The following MAN1A1 variants were observed in gnomAD, a reference collection of about 807,000 sequenced individuals.
The protein encoded by MAN1A1 is mannosyl-oligosaccharide 1,2-alpha-mannosidase IA.
In MAN1A1, 29 loss-of-function variants were observed where a neutral mutation model predicts 70.8. The observed-to-expected ratio is 0.41, with a 90% confidence interval of 0.31 to 0.56. The LOEUF (loss-of-function observed/expected upper bound fraction) is 0.56, where lower values mean the gene tolerates loss of function less well. Among genes scored for constraint, MAN1A1 ranks in the 20% least tolerant of loss-of-function variants. The probability of loss-of-function intolerance (pLI) is 0.29; values close to 1 mark genes in which losing one functional copy is unlikely to be tolerated. For synonymous variants in MAN1A1, 349 were observed against 330.1 expected (o/e 1.06, Z -0.62); for missense variants, 747 against 841.3 (o/e 0.89, Z 1.39).
intron 3 of MAN1A1, among the ~76,000 whole-genome samples, chr6:119,305,175 G>T (rs1772494578): frequency 6.6e-6 from 1 of 152,042 alleles, no homozygotes; most frequent in Non-Finnish European, 1.5e-5. Context: ...AAAAGCCAAT[G>T]AAAACCAAAA....
intron 5 of MAN1A1, among the ~76,000 whole-genome samples, chr6:119,254,461 G>A (rs1179219098): frequency 2.6e-5 from 4 of 152,080 alleles, no homozygotes; most frequent in African/African-American, 9.7e-5. Context: ...AATGTGACTG[G>A]GAAAAAAGCA....
chr6:119,282,285 A>G (rs1392288319), intron 5 of MAN1A1, among the ~76,000 whole-genome samples: 1 of 152,118 alleles, frequency 6.6e-6, no homozygotes, highest in Non-Finnish European at 1.5e-5. Flanking sequence ...TTATAAAACT[A>G]TGCTTTCAAA....
chr6:119,204,750 G>C lies in MAN1A1; in HGVS notation c.1116+9C>G, dbSNP rs1391360350. ...GCTTTGCAGGCCAAGGCACATTGAA[G>C]AATCTCACCTTTTCAGCAAAGATGG... On this transcript the variant is annotated intron_variant, in intron 7 of 12. Coordinates refer to ENST00000368468, the MANE Select transcript of MAN1A1 (RefSeq NM_005907.4). The C allele has an allele frequency of 6.2e-7, 1 of 1,613,684 alleles. No individual in the cohort carries two copies. Among genetic ancestry groups the C allele is most frequent in the African/African-American group, 1.3e-5 (1 of 74,908 alleles).
At chr6:119,222,629 C>A (rs1347665877) in intron 6 of MAN1A1, among the ~76,000 whole-genome samples, 1 of 152,116 alleles carries the variant, frequency 6.6e-6, no homozygotes, top group Non-Finnish European at 1.5e-5. Context: ...GCCCGGTCCA[C>A]CTTTCATCTT....
At chr6:119,264,449 T>C (rs1775693664) in intron 5 of MAN1A1, among the ~76,000 whole-genome samples, 2 of 152,218 alleles carry the variant, frequency 1.3e-5, no homozygotes, top group African/African-American at 4.8e-5. Context: ...GCACATGAGA[T>C]ATTAAACCAT....
chr6:119,243,717 G>T (rs1248536621), intron 6 of MAN1A1, among the ~76,000 whole-genome samples: 1 of 152,004 alleles, frequency 6.6e-6, no homozygotes, highest in Non-Finnish European at 1.5e-5. Flanking sequence ...AATATAAACT[G>T]TAATGTAACC....
At chr6:119,220,058 A>G (rs570587752) in intron 6 of MAN1A1, among the ~76,000 whole-genome samples, 80 of 152,282 alleles carry the variant, frequency 5.3e-4, no homozygotes, top group African/African-American at 1.9e-3. Flanking sequence ...GGAAATTAAT[A>G]AAAGTTGTTC....
chr6:119,285,215 T>G (rs1475971293), intron 5 of MAN1A1, among the ~76,000 whole-genome samples: 1 of 151,554 alleles, frequency 6.6e-6, no homozygotes, highest in Non-Finnish European at 1.5e-5. Flanking sequence ...GAGGCTCAAG[T>G]GATCCCCCTC....
chr6:119,209,319 T>C (rs1446823907), intron 6 of MAN1A1, among the ~76,000 whole-genome samples: 1 of 152,208 alleles, frequency 6.6e-6, no homozygotes. Flanking sequence ...TGCTATTTTA[T>C]GCAAAATGGG....
chr6:119,187,583 T>C (rs1340042135), intron 11 of MAN1A1, among the ~76,000 whole-genome samples: 1 of 152,226 alleles, frequency 6.6e-6, no homozygotes, highest in East Asian at 1.9e-4. Context: ...TCATTTTAGA[T>C]TTCCTGAGAG....
chr6:119,235,700 A>G (rs902544208), intron 6 of MAN1A1, among the ~76,000 whole-genome samples: 7 of 152,238 alleles, frequency 4.6e-5, no homozygotes, highest in Non-Finnish European at 8.8e-5. Flanking sequence ...CTGCTGGAAG[A>G]AGATGCCATC....
chr6:119,311,034 C>G (rs992441500), intron 2 of MAN1A1, among the ~76,000 whole-genome samples: 1 of 152,160 alleles, frequency 6.6e-6, no homozygotes, highest in Non-Finnish European at 1.5e-5. Context: ...GCTCTGCCAT[C>G]GTCAGTGTGA....
intron 6 of MAN1A1, among the ~76,000 whole-genome samples, chr6:119,234,516 C>A (rs1774785710): frequency 6.6e-6 from 1 of 152,018 alleles, no homozygotes; most frequent in South Asian, 2.1e-4. Flanking sequence ...TGGACTCAAG[C>A]AATCTTTCCA....
chr6:119,258,591 G>A (rs1444136742), intron 5 of MAN1A1, among the ~76,000 whole-genome samples: 6 of 152,100 alleles, frequency 3.9e-5, no homozygotes, highest in Non-Finnish European at 8.8e-5. Context: ...AGGGGGTCCT[G>A]AAACCTACCC....
At chr6:119,275,752 C>A (rs542937439) in intron 5 of MAN1A1, among the ~76,000 whole-genome samples, 81 of 152,238 alleles carry the variant, frequency 5.3e-4, no homozygotes, top group African/African-American at 1.9e-3. Flanking sequence ...ACTGCTATTT[C>A]ATTTTTATGA....
At chr6:119,330,708 C>T (rs1327225425) in intron 2 of MAN1A1, among the ~76,000 whole-genome samples, 8 of 152,230 alleles carry the variant, frequency 5.3e-5, no homozygotes. Context: ...AGCACTACTA[C>T]TCTGGCTCAG....
chr6:119,296,429 C>A (rs1364597188), intron 4 of MAN1A1, among the ~76,000 whole-genome samples: 1 of 152,150 alleles, frequency 6.6e-6, no homozygotes, highest in East Asian at 1.9e-4. Flanking sequence ...TCAATAACTT[C>A]ATTTAACAGG....
chr6:119,293,613 A>G (rs1406684294), intron 4 of MAN1A1, among the ~76,000 whole-genome samples: 1 of 152,088 alleles, frequency 6.6e-6, no homozygotes, highest in Admixed American at 6.6e-5. Flanking sequence ...TCCAACATAT[A>G]ATTCTTTCTC....
At chr6:119,213,788 A>G (rs769514378) in intron 6 of MAN1A1, among the ~76,000 whole-genome samples, 5 of 152,238 alleles carry the variant, frequency 3.3e-5, no homozygotes, top group Non-Finnish European at 5.9e-5. Context: ...CTAACATATC[A>G]CGGTAATCCA....
Sources: allele counts gnomAD v4.1 joint callset (sites outside exome capture counted in the v4.1 genomes callset), GRCh38; gene constraint gnomAD v4.1.1; transcripts MANE v1.5; gene names NCBI Gene and HGNC (gene_info 2026-07-23, HGNC 2026-07-21).